FSTL5: variants seen among roughly 807,000 people sequenced by gnomAD.
FSTL5 encodes the protein follistatin like 5.
A neutral mutation model predicts 89.1 loss-of-function variants in FSTL5; 62 were observed. That is an observed-to-expected ratio of 0.70 (90% confidence interval 0.57 to 0.86). The LOEUF is 0.86. Ranked by LOEUF, FSTL5 falls within the 40% of genes least tolerant of loss-of-function variation. FSTL5 has a pLI of 0.00. For synonymous variants in FSTL5, 383 were observed against 346.2 expected, an observed-to-expected ratio of 1.11 and a Z score of -1.18; for missense variants, 1,057 against 1,001.6, an observed-to-expected ratio of 1.06 and a Z score of -0.75.
intron 2 of FSTL5, among the ~76,000 whole-genome samples, chr4:162,075,342 T>A (rs150944549): frequency 3.5e-4 from 53 of 151,988 alleles, no homozygotes; most frequent in Non-Finnish European, 6.5e-4. Context: ...TTGGAGTCAC[T>A]GAGACAGAGG....
At chr4:161,435,654 T>C (rs1732533798) in intron 15 of FSTL5, among the ~76,000 whole-genome samples, 1 of 151,594 alleles carries the variant, frequency 6.6e-6, no homozygotes, top group Admixed American at 6.6e-5. Context: ...ATGTGATTAT[T>C]ATGCATTGTA....
intron 4 of FSTL5, among the ~76,000 whole-genome samples, chr4:161,831,095 T>C (rs926542855): frequency 4.6e-5 from 7 of 151,942 alleles, no homozygotes; most frequent in African/African-American, 1.4e-4. Flanking sequence ...GAATAAATCA[T>C]AGCTGCTCTT....
intron 6 of FSTL5, among the ~76,000 whole-genome samples, chr4:161,681,118 C>T (rs1387304324): frequency 6.6e-6 from 1 of 151,936 alleles, no homozygotes; most frequent in Non-Finnish European, 1.5e-5. Context: ...CATGTGAATT[C>T]AGAAAAATAG....
intron 4 of FSTL5, among the ~76,000 whole-genome samples, chr4:161,865,520 A>AT (rs1365588221): frequency 3.3e-5 from 5 of 152,196 alleles, no homozygotes; most frequent in Non-Finnish European, 5.9e-5. Context: ...CCACAGTATG[A>AT]TTTTGAAAGC....
intron 1 of FSTL5, among the ~76,000 whole-genome samples, chr4:162,124,246 G>C (rs1731982599): frequency 6.6e-6 from 1 of 152,242 alleles, no homozygotes; most frequent in South Asian, 2.1e-4. Context: ...CACAGAATTA[G>C]AATTTATATG....
At chr4:161,709,820 T>A (rs1738715823) in intron 6 of FSTL5, among the ~76,000 whole-genome samples, 1 of 151,992 alleles carries the variant, frequency 6.6e-6, no homozygotes, top group Admixed American at 6.6e-5. Context: ...AAAAAAAGGT[T>A]TAAAAATTGG....
chr4:161,489,676 A>G (rs1351761951), intron 12 of FSTL5, among the ~76,000 whole-genome samples: 4 of 152,178 alleles, frequency 2.6e-5, no homozygotes, highest in African/African-American at 9.6e-5. Flanking sequence ...AAAAAAATTA[A>G]AACTAAAGAA....
intron 4 of FSTL5, among the ~76,000 whole-genome samples, chr4:161,910,163 G>C (rs781736403): frequency 1.1e-4 from 16 of 151,850 alleles, no homozygotes; most frequent in Non-Finnish European, 2.2e-4. Context: ...TTTTTTCCTT[G>C]GCTTGGTTCT....
chr4:161,562,110 G>T (rs1361849040), intron 8 of FSTL5, among the ~76,000 whole-genome samples: 1 of 151,946 alleles, frequency 6.6e-6, no homozygotes, highest in Admixed American at 6.6e-5. Flanking sequence ...CATGCTCATG[G>T]TTTTGCAATT....
At chr4:161,766,995 C>A (rs1440910814) in intron 5 of FSTL5, among the ~76,000 whole-genome samples, 1 of 152,090 alleles carries the variant, frequency 6.6e-6, no homozygotes, top group Non-Finnish European at 1.5e-5. Context: ...GGTTACATGA[C>A]TCTCCTATCC....
Position 161,769,903 on chromosome 4 carries a change from A to G in FSTL5, c.606+5975T>C, listed in dbSNP as rs1004455861. On this transcript the variant is annotated intron_variant, in intron 5 of 15. Transcript: ENST00000306100. ...TGATATAATCTTATATTTGAAAAAA[A>G]AAACCTAAAGACTCCACCAAAAAAA... is the stretch of plus-strand genomic sequence containing the variant. 1.3e-5 allele frequency among the ~76,000 whole-genome samples: 2 copies of G among 151,872 alleles called. 1 individual carries two copies. Among genetic ancestry groups the G allele is most frequent in the Non-Finnish European group, 2.9e-5 (2 of 67,834 alleles).
rs773239159 is a variant in FSTL5, at chr4:161,459,239, G to T, written c.1689C>A (p.Thr563=). The change falls in exon 14 of 16, where the codon ACC becomes ACA. Residue 563 remains threonine, a synonymous_variant. Transcript: ENST00000306100. Reference sequence around the variant, plus strand: ...GTAGTGTTGGTGATGTCTTCTCCAAGGTACCCCAGCTTAGCACCCAGACCT... The same window carrying T: ...GTAGTGTTGGTGATGTCTTCTCCAATGTACCCCAGCTTAGCACCCAGACCT... ...HDQVWVLSWG[T]LEKTSPTLQV... 3 of 1,610,512 alleles carry T rather than the reference G, an allele frequency of 1.9e-6. No homozygotes were observed. In the South Asian group the frequency reaches 3.3e-5, roughly 18 times the overall value.
At chr4:161,670,349 T>C (rs1250963535) in intron 6 of FSTL5, among the ~76,000 whole-genome samples, 2 of 152,132 alleles carry the variant, frequency 1.3e-5, no homozygotes, top group Admixed American at 1.3e-4. Flanking sequence ...AGAAGAATAT[T>C]AACCTGTGTG....
At chr4:161,715,315 G>A (rs1415041574) in intron 6 of FSTL5, among the ~76,000 whole-genome samples, 1 of 152,152 alleles carries the variant, frequency 6.6e-6, no homozygotes, top group East Asian at 1.9e-4. Context: ...ATTACCCATA[G>A]TTCAGAAATC....
At chr4:161,708,130 C>A (rs2126736779) in intron 6 of FSTL5, among the ~76,000 whole-genome samples, 2 of 152,118 alleles carry the variant, frequency 1.3e-5, no homozygotes, top group East Asian at 3.9e-4. Context: ...ACCCAGTGTC[C>A]TGTCCCTAAA....
At chr4:161,704,152 C>A (rs892745914) in intron 6 of FSTL5, among the ~76,000 whole-genome samples, 2 of 152,244 alleles carry the variant, frequency 1.3e-5, no homozygotes. Flanking sequence ...TAATTGCCTT[C>A]TTTGGCGAGG....
intron 6 of FSTL5, among the ~76,000 whole-genome samples, chr4:161,677,995 TAAAAA>T (rs1460816838): frequency 6.6e-6 from 1 of 151,718 alleles, no homozygotes; most frequent in Non-Finnish European, 1.5e-5. Context: ...ATGAATTAAT[TAAAAA>T]TATTAACCCC....
chr4:161,702,611 A>G (rs1030755358), intron 6 of FSTL5, among the ~76,000 whole-genome samples: 1 of 152,148 alleles, frequency 6.6e-6, no homozygotes, highest in East Asian at 1.9e-4. Context: ...ACAAATACAC[A>G]CTTTTCTCCC....
intron 1 of FSTL5, among the ~76,000 whole-genome samples, chr4:162,121,902 T>G (rs1342628456): frequency 2.6e-5 from 4 of 152,082 alleles, no homozygotes; most frequent in African/African-American, 9.7e-5. Flanking sequence ...TGACTTCCAC[T>G]TAATGAATAG....
Sources: gnomAD v4.1 joint callset for allele counts (sites outside exome capture counted in the v4.1 genomes callset) on GRCh38, gnomAD v4.1.1 for gene constraint, MANE v1.5 for transcripts, NCBI Gene and HGNC (gene_info 2026-07-23, HGNC 2026-07-21) for gene names.